Variants in ULK4 observed in about 807,000 individuals in gnomAD.
The protein encoded by ULK4 is unc-51 like kinase 4, also known as inactive serine/threonine-protein kinase ULK4.
ULK4 carries 133 observed loss-of-function variants against 160.6 expected under a neutral mutation model. The observed-to-expected ratio is 0.83, with a 90% CI of 0.72 to 0.96. The LOEUF (loss-of-function observed/expected upper bound fraction) is 0.96, where lower values mean the gene tolerates loss of function less well. ULK4 is among the 40% of genes least tolerant of loss of function. The pLI is 0.00. For synonymous variants in ULK4, 534 were observed against 539.8 expected (o/e 0.99, Z 0.15); for missense variants, 1,580 against 1,499.5 (o/e 1.05, Z -0.89).
At chr3:41,692,846 C>G (rs1575576787) in intron 27 of ULK4, among the ~76,000 whole-genome samples, 1 of 152,062 alleles carries the variant, frequency 6.6e-6, no homozygotes, top group Admixed American at 6.6e-5. Context: ...AAACTAGGAC[C>G]CCCACCCATT....
rs186302546 is a variant in ULK4, at chr3:41,379,981, G to A, written c.3678+18098C>T. Among the ~76,000 whole-genome samples the A allele has an allele frequency of 1.1e-4, 16 of 152,316 alleles. 1 individual carries two copies. In the East Asian group the frequency reaches 2.7e-3, roughly 26 times the overall value. On this transcript the variant is annotated intron_variant, in intron 35 of 36. Transcript: ENST00000301831. ...CTTTAGGGGCATGAACAAGTGCACT[G>A]AGAAATTGTTGGGTAGTTGGCTGTC...
chr3:41,675,671 C>T (rs1005324422), intron 29 of ULK4, among the ~76,000 whole-genome samples: 2 of 152,008 alleles, frequency 1.3e-5, no homozygotes. Context: ...TGATGGTATA[C>T]CCATAAGGGA....
intron 35 of ULK4, among the ~76,000 whole-genome samples, chr3:41,384,557 T>A (rs1179223746): frequency 6.6e-6 from 1 of 152,138 alleles, no homozygotes; most frequent in Non-Finnish European, 1.5e-5. Context: ...TCGGGTGCGT[T>A]CAGGGTGGTA....
At chr3:41,538,223 T>C (rs1411117612) in intron 32 of ULK4, among the ~76,000 whole-genome samples, 1 of 152,192 alleles carries the variant, frequency 6.6e-6, no homozygotes, top group East Asian at 1.9e-4. Flanking sequence ...AGTCTAGAGA[T>C]ATAGCTTTCT....
At chr3:41,385,977 C>T (rs959797203) in intron 35 of ULK4, among the ~76,000 whole-genome samples, 1 of 152,176 alleles carries the variant, frequency 6.6e-6, no homozygotes, top group African/African-American at 2.4e-5. Context: ...TTCCAAATCG[C>T]AAGCCTGGAT....
At chr3:41,906,821 C>T (rs548801339) in intron 12 of ULK4, among the ~76,000 whole-genome samples, 3 of 152,140 alleles carry the variant, frequency 2.0e-5, no homozygotes, top group East Asian at 3.9e-4. Context: ...GGTGAAACCC[C>T]GTCTCTACTA....
At chr3:41,938,683 CAATA>C (rs1427935873) in intron 2 of ULK4, among the ~76,000 whole-genome samples, 2 of 151,196 alleles carry the variant, frequency 1.3e-5, no homozygotes, top group African/African-American at 2.4e-5. Flanking sequence ...CTCCATCTCT[CAATA>C]AATAAATAAA....
chr3:41,666,848 A>T (rs1394346882), intron 29 of ULK4, among the ~76,000 whole-genome samples: 1 of 152,312 alleles, frequency 6.6e-6, no homozygotes, highest in African/African-American at 2.4e-5. Flanking sequence ...ATCTAAATTT[A>T]AAAAGAAAAC....
At chr3:41,292,944 AAAAAAATAAAAAAAT>A (rs1401496276) in intron 35 of ULK4, among the ~76,000 whole-genome samples, 11 of 151,974 alleles carry the variant, frequency 7.2e-5, no homozygotes, top group Admixed American at 3.9e-4. Context: ...ACACCGTCTC[AAAAAAATAAAAAAAT>A]AAAAAATAAA....
At chr3:41,955,418 C>T (rs1398819896) in intron 1 of ULK4, 1 of 152,266 alleles carries the variant, frequency 6.6e-6, no homozygotes, top group Non-Finnish European at 1.5e-5. Flanking sequence ...GCCCTTCAGC[C>T]GCTGCCGCCA....
chr3:41,622,216 A>T (rs1309454513), intron 30 of ULK4, among the ~76,000 whole-genome samples: 2 of 152,202 alleles, frequency 1.3e-5, no homozygotes, highest in Non-Finnish European at 2.9e-5. Context: ...TTCCTCAAGG[A>T]TCTAGAACCA....
chr3:41,898,409 C>G, intron 14 of ULK4, 23 bp downstream of exon 14: 1 of 1,480,754 alleles, frequency 6.8e-7, no homozygotes, highest in Non-Finnish European at 9.2e-7. Context: ...TCTACATGTT[C>G]GATAAGTCCT....
At chr3:41,759,061 A>C (rs1051216050) in intron 21 of ULK4, among the ~76,000 whole-genome samples, 1 of 152,138 alleles carries the variant, frequency 6.6e-6, no homozygotes, top group African/African-American at 2.4e-5. Flanking sequence ...GAAAACAAAA[A>C]ACCTACAGCT....
intron 27 of ULK4, among the ~76,000 whole-genome samples, chr3:41,691,402 T>G (rs2036293036): frequency 6.6e-6 from 1 of 151,874 alleles, no homozygotes; most frequent in South Asian, 2.1e-4. Flanking sequence ...CCAACTGTAC[T>G]TTACTTCCTT....
At chr3:41,741,009 A>G (rs1314893813) in intron 22 of ULK4, among the ~76,000 whole-genome samples, 1 of 151,972 alleles carries the variant, frequency 6.6e-6, no homozygotes, top group Admixed American at 6.5e-5. Context: ...TCTGACAATA[A>G]TTTATATTAC....
Position 41,877,935 on chromosome 3 carries a change from C to G in ULK4, c.1656+5939G>C, listed in dbSNP as rs553096553. Among the ~76,000 whole-genome samples the G allele has an allele frequency of 9.7e-4, 147 of 152,090 alleles. 1 individual carries two copies. The highest frequency in any genetic ancestry group is 3.4e-3 in the African/African-American group (140 of 41,500). On this transcript the variant is annotated intron_variant, in intron 17 of 36. Transcript: ENST00000301831. ...GGCAGAGGTTGCGGTGAGCCGAGAT[C>G]GCGCCGTCGCACTCCAGCCTGGGCA...
intron 32 of ULK4, among the ~76,000 whole-genome samples, chr3:41,554,233 T>C (rs2087198074): frequency 6.6e-6 from 1 of 152,182 alleles, no homozygotes; most frequent in Admixed American, 6.5e-5. Context: ...CCTCTTTGTT[T>C]ACTGCAGCAC....
intron 35 of ULK4, among the ~76,000 whole-genome samples, chr3:41,386,583 G>T (rs897065506): frequency 1.3e-5 from 2 of 152,036 alleles, no homozygotes; most frequent in Non-Finnish European, 2.9e-5. Flanking sequence ...AAACTTTTTT[G>T]ACCCTTTGCG....
intron 5 of ULK4, among the ~76,000 whole-genome samples, chr3:41,922,707 C>T (rs902411965): frequency 4.6e-5 from 7 of 151,878 alleles, no homozygotes; most frequent in African/African-American, 1.7e-4. Flanking sequence ...CAGAATTATC[C>T]ACACAAGGAT....
Sources: allele counts gnomAD v4.1 joint callset (sites outside exome capture counted in the v4.1 genomes callset), GRCh38; gene constraint gnomAD v4.1.1; transcripts MANE v1.5; gene names NCBI Gene and HGNC (gene_info 2026-07-23, HGNC 2026-07-21).